Variants in ANTXRL observed in about 807,000 individuals in gnomAD.
ANTXRL encodes ANTXR like.
In ANTXRL, 63 loss-of-function variants were observed where a neutral mutation model predicts 75.4. That is an observed-to-expected ratio of 0.84 (90% confidence interval 0.68 to 1.03). The LOEUF is 1.03. Ranked by LOEUF, ANTXRL falls within the 50% of genes least tolerant of loss-of-function variation. The probability of loss-of-function intolerance (pLI) is 0.00; values close to 1 mark genes in which losing one functional copy is unlikely to be tolerated. For synonymous variants in ANTXRL, 335 were observed against 291.3 expected, an observed-to-expected ratio of 1.15 and a Z score of -1.53; for missense variants, 797 against 789.4, an observed-to-expected ratio of 1.01 and a Z score of -0.12.
chr10:46,290,335 C>T (rs1450111409), intron 1 of ANTXRL, among the ~76,000 whole-genome samples: 1 of 152,188 alleles, frequency 6.6e-6, no homozygotes. Context: ...AGCCACCTCG[C>T]CCGGCCTGTT....
chr10:46,298,643 A>T (rs1414825029), intron 9 of ANTXRL, among the ~76,000 whole-genome samples: 2 of 150,762 alleles, frequency 1.3e-5, no homozygotes, highest in South Asian at 4.2e-4. Flanking sequence ...TCTGGTGTGC[A>T]GGTATGTGGT....
intron 13 of ANTXRL, among the ~76,000 whole-genome samples, chr10:46,310,207 G>A (rs531859250): frequency 6.6e-6 from 1 of 152,240 alleles, no homozygotes; most frequent in Admixed American, 6.5e-5. Flanking sequence ...CTAGGGACCT[G>A]GTCCCTGGCC....
chr10:46,300,520 C>A (rs1373244618), intron 9 of ANTXRL, among the ~76,000 whole-genome samples: 23 of 151,908 alleles, frequency 1.5e-4, no homozygotes, highest in East Asian at 5.8e-4. Flanking sequence ...TCTCCCTCTC[C>A]AGCCTGGCAG....
chr10:46,312,826 C>T (rs530765935), intron 15 of ANTXRL, among the ~76,000 whole-genome samples: 1 of 150,538 alleles, frequency 6.6e-6, no homozygotes. Flanking sequence ...ACTCCCTGAG[C>T]AGGGCATGGT....
intron 1 of ANTXRL, among the ~76,000 whole-genome samples, chr10:46,290,333 C>A (rs564744401): frequency 1.1e-3 from 164 of 152,290 alleles, no homozygotes; most frequent in African/African-American, 3.8e-3. Context: ...TGAGCCACCT[C>A]GCCCGGCCTG....
intron 3 of ANTXRL, 27 bp downstream of exon 3, chr10:46,293,927 G>C: frequency 6.5e-7 from 1 of 1,532,498 alleles, no homozygotes; most frequent in Admixed American, 2.0e-5. Context: ...GCCCCAAAGG[G>C]AGGCCTGATG....
chr10:46,312,523 C>A (rs1224398081), intron 15 of ANTXRL, among the ~76,000 whole-genome samples: 1 of 147,276 alleles, frequency 6.8e-6, no homozygotes, highest in African/African-American at 2.5e-5. Flanking sequence ...GTGGTCGGAT[C>A]TCTTGCTTCC....
At chr10:46,319,474 A>G (rs907489899) in intron 16 of ANTXRL, among the ~76,000 whole-genome samples, 2 of 152,174 alleles carry the variant, frequency 1.3e-5, no homozygotes, top group Non-Finnish European at 2.9e-5. Context: ...TGATATCAAA[A>G]GACCAAAGTG....
intron 2 of ANTXRL, among the ~76,000 whole-genome samples, chr10:46,292,606 C>T (rs1837041171): frequency 6.6e-6 from 1 of 152,084 alleles, no homozygotes; most frequent in African/African-American, 2.4e-5. Context: ...AGTGGTCTGA[C>T]TTGGCTGGGA....
chr10:46,307,896 T>C (rs1838188770), intron 12 of ANTXRL, among the ~76,000 whole-genome samples: 1 of 152,086 alleles, frequency 6.6e-6, no homozygotes, highest in Non-Finnish European at 1.5e-5. Flanking sequence ...CTCAGGCCCC[T>C]GAGATGTCCC....
rs1215730392 is a variant in ANTXRL at position 46,309,195 on chromosome 10, G to A, written c.1127G>A (p.Arg376His). ...LLLCCVWRLC[R>H]KQTVKEPPPV... Reference sequence around the variant, plus strand: ...CTGTGTTGTGTCTGGCGGCTGTGCCGCAAGCAGGCAAGTGCTCCCTGCCCG... The same window carrying A: ...CTGTGTTGTGTCTGGCGGCTGTGCCACAAGCAGGCAAGTGCTCCCTGCCCG... Residue 376 changes from arginine (R) to histidine (H), a missense_variant, in exon 13 of 17, where the codon CGC (arginine) becomes CAC (histidine). By Grantham distance (29) the Arg-to-His change is conservative. This residue lies in a region of ANTXRL where 479 missense variants were observed against 422.0 expected (regional missense o/e 1.14). Coordinates refer to ENST00000620264, the MANE Select transcript of ANTXRL (RefSeq NM_001278688.3). 2.5e-5 allele frequency: 39 copies of A among 1,535,718 alleles called. No homozygotes were observed. Among genetic ancestry groups the A allele is most frequent in the East Asian group, 2.4e-4 (10 of 40,914 alleles).
intron 9 of ANTXRL, among the ~76,000 whole-genome samples, chr10:46,299,395 A>G (rs1554959892): frequency 6.6e-6 from 1 of 152,080 alleles, no homozygotes; most frequent in African/African-American, 2.4e-5. Context: ...CTGGGGTCCC[A>G]GTATGGGTTG....
At chr10:46,307,578 C>G in intron 12 of ANTXRL, 98 bp downstream of exon 12, 1 of 1,178,110 alleles carries the variant, frequency 8.5e-7, no homozygotes, top group Non-Finnish European at 1.2e-6. Context: ...CAGGCAGTCC[C>G]AGAAAGTAGC....
At position 46,287,327 on chromosome 10, in the gene ANTXRL, C is replaced by T; in HGVS notation, c.65C>T (p.Pro22Leu). The change falls in exon 1 of 17, where the codon CCA becomes CTA. Residue 22 changes from proline (P) to leucine (L), a missense_variant. Pro to Leu is a moderately conservative substitution (Grantham distance 98, BLOSUM62 -3). Coordinates refer to ENST00000620264, the MANE Select transcript of ANTXRL (RefSeq NM_001278688.3). Reference protein sequence around the residue: ...LVFLLLLLLPPPLFRAGSLRY... With the variant: ...LVFLLLLLLPLPLFRAGSLRY... The stretch of plus-strand genomic sequence containing the variant: ...TTCCTGCTGCTGCTGCTGCTTCCTC[C>T]ACCGCTTTTTAGAGCAGGAAGCCTT... 6.5e-7 allele frequency: 1 copy of T among 1,536,014 alleles called. No homozygotes were observed. Among genetic ancestry groups the T allele is most frequent in the East Asian group, 2.4e-5 (1 of 40,912 alleles).
At chr10:46,315,280 G>A (rs546996939) in intron 16 of ANTXRL, among the ~76,000 whole-genome samples, 3 of 152,364 alleles carry the variant, frequency 2.0e-5, no homozygotes, top group East Asian at 3.8e-4. Context: ...TGAGCCAGGG[G>A]TCCCTGAGTG....
chr10:46,301,022 A>T (rs1268745002), intron 9 of ANTXRL, among the ~76,000 whole-genome samples: 4 of 151,960 alleles, frequency 2.6e-5, no homozygotes, highest in African/African-American at 4.8e-5. Flanking sequence ...ACCTTGAAAA[A>T]AAAAAAATGC....
intron 16 of ANTXRL, among the ~76,000 whole-genome samples, chr10:46,321,574 T>A (rs1554965614): frequency 1.3e-5 from 2 of 152,262 alleles, no homozygotes; most frequent in Non-Finnish European, 2.9e-5. Flanking sequence ...AAAGCAATTT[T>A]CCTCTGACAT....
intron 9 of ANTXRL, among the ~76,000 whole-genome samples, chr10:46,301,450 C>T (rs538876087): frequency 2.6e-5 from 4 of 152,268 alleles, no homozygotes; most frequent in South Asian, 2.1e-4. Context: ...TGGGTGACTA[C>T]GAGAGCCAGG....
intron 1 of ANTXRL, among the ~76,000 whole-genome samples, chr10:46,290,378 G>C (rs1484493633): frequency 6.6e-6 from 1 of 152,156 alleles, no homozygotes; most frequent in East Asian, 1.9e-4. Context: ...CACTTGGGTT[G>C]CTTCTGCCAT....
Sources: allele counts gnomAD v4.1 joint callset (sites outside exome capture counted in the v4.1 genomes callset), GRCh38; gene constraint gnomAD v4.1.1; regional missense constraint gnomAD v4.1.1; transcripts MANE v1.5; gene names NCBI Gene and HGNC (gene_info 2026-07-23, HGNC 2026-07-21).